Variants in WWTR1 observed in about 807,000 individuals in gnomAD.
The protein encoded by WWTR1 is WW domain containing transcription regulator 1.
Under a neutral mutation model 40.1 loss-of-function variants are expected in WWTR1, and 13 were observed. That is an observed-to-expected ratio of 0.32 (90% CI 0.21 to 0.52). WWTR1 has a LOEUF of 0.52. WWTR1 is among the 20% of genes least tolerant of loss of function. The pLI is 0.97. For synonymous variants in WWTR1, 230 were observed against 210.1 expected, an observed-to-expected ratio of 1.09 and a Z score of -0.82; for missense variants, 436 against 523.1, an observed-to-expected ratio of 0.83 and a Z score of 1.63.
At chr3:149,620,406 A>G (rs1740211603) in intron 2 of WWTR1, among the ~76,000 whole-genome samples, 2 of 152,082 alleles carry the variant, frequency 1.3e-5, no homozygotes, top group Non-Finnish European at 2.9e-5. Context: ...ATCTTCTAAG[A>G]TGACAGTAGG....
intron 3 of WWTR1, among the ~76,000 whole-genome samples, chr3:149,555,495 A>C (rs1736787708): frequency 6.6e-6 from 1 of 152,090 alleles, no homozygotes; most frequent in South Asian, 2.1e-4. Context: ...AAAAAAAAAA[A>C]AAACGAAAGA....
chr3:149,567,392 CTGTGAATGA>C (rs1350033849), intron 3 of WWTR1, among the ~76,000 whole-genome samples: 10 of 152,224 alleles, frequency 6.6e-5, no homozygotes, highest in Non-Finnish European at 1.5e-4. Context: ...CAAACTCCCT[CTGTGAATGA>C]CCTGACAGTC....
chr3:149,649,939 T>C (rs75749223), intron 2 of WWTR1: 1 of 103,638 alleles, frequency 9.6e-6, no homozygotes, highest in African/African-American at 3.6e-5. Flanking sequence ...AAAAAAAAAA[T>C]TCTGTAGAGA....
intron 2 of WWTR1, among the ~76,000 whole-genome samples, chr3:149,636,333 A>G (rs376904016): frequency 1.3e-5 from 2 of 152,188 alleles, no homozygotes; most frequent in African/African-American, 4.8e-5. Context: ...CAAACAGCCT[A>G]CTCTACCTCT....
chr3:149,612,180 G>T (rs1214187525), intron 2 of WWTR1, among the ~76,000 whole-genome samples: 1 of 152,122 alleles, frequency 6.6e-6, no homozygotes, highest in Non-Finnish European at 1.5e-5. Flanking sequence ...AATCAAACAG[G>T]AATGCTTTTT....
chr3:149,557,284 C>G (rs1277065707), intron 3 of WWTR1, among the ~76,000 whole-genome samples: 1 of 152,016 alleles, frequency 6.6e-6, no homozygotes, highest in African/African-American at 2.4e-5. Flanking sequence ...ATTGGCCAGG[C>G]TGATCTCGAA....
intron 2 of WWTR1, among the ~76,000 whole-genome samples, chr3:149,651,975 G>A (rs992504485): frequency 3.4e-5 from 5 of 145,660 alleles, no homozygotes; most frequent in African/African-American, 5.1e-5. Flanking sequence ...ACAGGCGCCC[G>A]CTGCCACGCC....
At position 149,713,103 on chromosome 3, in the gene WWTR1, G is replaced by C. The variant is rs114988739; in HGVS notation, n.584+4339C>G. 4.7e-3 allele frequency among the ~76,000 whole-genome samples: 708 copies of C among 152,248 alleles called. 2 individuals are homozygous for C. Among genetic ancestry groups the C allele is most frequent in the African/African-American group, 0.016 (684 of 41,540 alleles). ...CAGGGAATGTAGGTGGAGAGAAAAG[G>C]TAATACTCAGAAAAGAAAAGGGTCT... On this transcript the variant is annotated intron_variant and non_coding_transcript_variant, in intron 5 of 6. Transcript: ENST00000474080.
intron 3 of WWTR1, among the ~76,000 whole-genome samples, chr3:149,567,879 C>A (rs1348719694): frequency 1.3e-5 from 2 of 152,090 alleles, no homozygotes; most frequent in African/African-American, 4.8e-5. Context: ...CAGTCCCCAC[C>A]CTCCATCCCA....
intron 2 of WWTR1, among the ~76,000 whole-genome samples, chr3:149,612,262 G>A (rs1006572613): frequency 9.2e-5 from 14 of 152,036 alleles, no homozygotes; most frequent in Admixed American, 3.9e-4. Flanking sequence ...GACCAAGTTC[G>A]AGGTACATTC....
chr3:149,675,132 C>T (rs1306137517), intron 1 of WWTR1, among the ~76,000 whole-genome samples: 2 of 152,032 alleles, frequency 1.3e-5, no homozygotes, highest in Non-Finnish European at 1.5e-5. Flanking sequence ...GTTAGAAGAA[C>T]TCCAGTTTTA....
chr3:149,636,884 A>T (rs1377641456), intron 2 of WWTR1, among the ~76,000 whole-genome samples: 1 of 149,818 alleles, frequency 6.7e-6, no homozygotes, highest in Non-Finnish European at 1.5e-5. Context: ...GAATCACTTG[A>T]ACCCAGGGGG....
At chr3:149,605,883 G>C (rs1407530461) in intron 2 of WWTR1, among the ~76,000 whole-genome samples, 1 of 152,114 alleles carries the variant, frequency 6.6e-6, no homozygotes, top group Non-Finnish European at 1.5e-5. Context: ...AAGACAAACA[G>C]GTACTGTCAC....
chr3:149,543,580 C>CAAAAAAAAAAAAAAAAAAAAA lies in WWTR1; in HGVS notation c.569-1064_569-1044dup, dbSNP rs755442408. The stretch of plus-strand genomic sequence containing the variant: ...CTGGTGACAAAGAAAGACTCTGTCT[C>CAAAAAAAAAAAAAAAAAAAAA]AAAAAAAAAAAAAAAAAAAAAAAGA... On this transcript the variant is annotated intron_variant, in intron 3 of 6. Coordinates refer to ENST00000360632, the MANE Select transcript of WWTR1 (RefSeq NM_015472.6). Among the ~76,000 whole-genome samples the CAAAAAAAAAAAAAAAAAAAAA allele has an allele frequency of 9.0e-4, 28 of 31,222 alleles. 2 individuals are homozygous for CAAAAAAAAAAAAAAAAAAAAA. The highest frequency in any genetic ancestry group is 2.5e-3 in the East Asian group (2 of 802). The allele number at this position is 31,222 out of a possible 152,430, so 20.5% of individuals were successfully genotyped here.
At position 149,657,375 on chromosome 3, in the gene WWTR1, G is replaced by C. The variant is rs1713309131; in HGVS notation, c.-3-66C>G. 2.7e-6 allele frequency: 4 copies of C among 1,489,426 alleles called. No homozygotes were observed. The Admixed American group carries it at 8.9e-5, about 33-fold the overall frequency. 92.3% of individuals were successfully genotyped at this position (1,489,426 alleles called of 1,614,324 possible). A position where few individuals can be genotyped will look rare whatever the true frequency, so the allele number is the denominator to read the frequency against. ...GAGGAAGTGGGTAAGAGGGTTACAG[G>C]GTGAGAGGGCGAGATGGTGGGAGAA... is the stretch of plus-strand genomic sequence containing the variant. On this transcript the variant is annotated intron_variant, in intron 1 of 6. Transcript: ENST00000360632.
chr3:149,553,540 A>G (rs1736702442), intron 3 of WWTR1, among the ~76,000 whole-genome samples: 1 of 152,172 alleles, frequency 6.6e-6, no homozygotes, highest in Non-Finnish European at 1.5e-5. Context: ...AAATCAAATA[A>G]ACTTTGAAAA....
Position 149,562,016 on chromosome 3 carries a change from C to G in WWTR1, c.568+10848G>C, listed in dbSNP as rs534092605. On this transcript the variant is annotated intron_variant, in intron 3 of 6. Transcript: ENST00000360632. ...AATATTATAGAAAAATATTTACTGG[C>G]CAGGCGCAGTTGCTTACACCTGTAA... 2.6e-5 allele frequency among the ~76,000 whole-genome samples: 4 copies of G among 152,208 alleles called. No individual in the cohort carries two copies. In the East Asian group the frequency reaches 7.7e-4, roughly 29 times the overall value.
chr3:149,723,070 G>A (rs923923087), intron 4 of WWTR1, among the ~76,000 whole-genome samples: 27 of 148,984 alleles, frequency 1.8e-4, no homozygotes, highest in Admixed American at 1.3e-3. Context: ...ATACATTTCC[G>A]TTTCTTTGCA....
chr3:149,622,497 G>GAAAAA (rs1560089715), intron 2 of WWTR1, among the ~76,000 whole-genome samples: 9 of 122,612 alleles, frequency 7.3e-5, no homozygotes, highest in African/African-American at 3.2e-4. Flanking sequence ...AAGGAAGGAA[G>GAAAAA]GAAGGAAGAA....
Sources: allele counts gnomAD v4.1 joint callset (sites outside exome capture counted in the v4.1 genomes callset), GRCh38; gene constraint gnomAD v4.1.1; transcripts MANE v1.5; gene names NCBI Gene and HGNC (gene_info 2026-07-23, HGNC 2026-07-21).